The following NEBL variants were observed in gnomAD, a reference collection of about 807,000 sequenced individuals.
NEBL encodes LIM and SH3 protein 2.
NEBL carries 122 observed loss-of-function variants against 140.2 expected under a neutral mutation model. The ratio of observed to expected loss-of-function variants is 0.87; its 90% CI spans 0.75 to 1.01. NEBL has a LOEUF of 1.01. Among genes scored for constraint, NEBL ranks in the 50% least tolerant of loss-of-function variants. NEBL has a pLI of 0.00. For missense variants in NEBL, 1,365 were observed against 1,231.3 expected, an observed-to-expected ratio of 1.11 and a Z score of -1.62; for synonymous variants, 436 against 398.9, an observed-to-expected ratio of 1.09 and a Z score of -1.11.
intron 3 of NEBL, among the ~76,000 whole-genome samples, chr10:21,224,670 C>T (rs1379844559): frequency 6.6e-6 from 1 of 152,128 alleles, no homozygotes; most frequent in Non-Finnish European, 1.5e-5. Context: ...GTGTCCTTTT[C>T]AATTTCTTTC....
intron 2 of NEBL, among the ~76,000 whole-genome samples, chr10:21,166,637 C>A (rs1019570334): frequency 2.6e-5 from 4 of 152,176 alleles, no homozygotes; most frequent in Non-Finnish European, 5.9e-5. Context: ...TGTTACTTCT[C>A]ATACAGCCCT....
chr10:21,245,431 A>G (rs1158684975), intron 3 of NEBL, among the ~76,000 whole-genome samples: 1 of 152,240 alleles, frequency 6.6e-6, no homozygotes, highest in African/African-American at 2.4e-5. Flanking sequence ...TATCAAATTA[A>G]CTATTTAACT....
At position 20,831,329 on chromosome 10, in the gene NEBL, T is replaced by C. The variant is rs1307476453; in HGVS notation, c.1561-23A>G. On this transcript the variant is annotated intron_variant, in intron 15 of 27. Coordinates refer to ENST00000377122, the MANE Select transcript of NEBL (RefSeq NM_006393.3). ...TTTCTAAAAGAACAGAAAATAATCT[T>C]AGAGCTTTGCTTAAGCTTTAATAGC... The C allele has an allele frequency of 1.9e-6, 3 of 1,581,472 alleles. No individual in the cohort carries two copies. In the East Asian group the frequency reaches 6.7e-5, roughly 35 times the overall value.
chr10:21,209,660 TC>T (rs369524088), intron 3 of NEBL, among the ~76,000 whole-genome samples: 6 of 146,326 alleles, frequency 4.1e-5, no homozygotes, highest in Admixed American at 6.7e-5. Context: ...TTTTTTTTTT[TC>T]TTTTTTTTTT....
chr10:20,848,433 T>C (rs959639599), intron 11 of NEBL, among the ~76,000 whole-genome samples: 1 of 152,280 alleles, frequency 6.6e-6, no homozygotes, highest in Non-Finnish European at 1.5e-5. Context: ...TCCTCTTCAT[T>C]GGCTTAAGAA....
rs1162862431 is a variant in NEBL at position 21,263,549 on chromosome 10, T to TGC, written n.183-11723_183-11722dup. The stretch of plus-strand genomic sequence containing the variant: ...TTAGCATAGCATGCTTACTTGTGTG[T>TGC]GCTCTCCTATCTCCCCGGGGGTTAG... On this transcript the variant is annotated intron_variant and non_coding_transcript_variant, in intron 1 of 8. Coordinates refer to the NEBL transcript ENST00000675702. Among the ~76,000 whole-genome samples the TGC allele has an allele frequency of 8.5e-5, 13 of 152,320 alleles. No homozygotes were observed. The Middle Eastern group carries it at 0.01, about 120-fold the overall frequency.
At chr10:21,154,413 C>A (rs1005888771) in intron 2 of NEBL, among the ~76,000 whole-genome samples, 9 of 148,864 alleles carry the variant, frequency 6.0e-5, no homozygotes, top group African/African-American at 2.3e-4. Context: ...GAGCTGAAAT[C>A]GCGCCACTGC....
intron 1 of NEBL, among the ~76,000 whole-genome samples, chr10:21,268,671 G>A (rs552215275): frequency 2.6e-5 from 4 of 151,812 alleles, no homozygotes; most frequent in East Asian, 2.0e-4. Context: ...TTACAGACAC[G>A]TGCCACCATG....
intron 5 of NEBL, among the ~76,000 whole-genome samples, chr10:20,873,945 C>G (rs1845229790): frequency 6.6e-6 from 1 of 152,060 alleles, no homozygotes; most frequent in African/African-American, 2.4e-5. Context: ...TTCTATATGT[C>G]TGTCACTGGG....
chr10:21,011,933 G>C (rs1316215838), intron 3 of NEBL, among the ~76,000 whole-genome samples: 1 of 152,192 alleles, frequency 6.6e-6, no homozygotes. Flanking sequence ...CCACACTATG[G>C]GAGAGACTAA....
rs746903378 is a variant in NEBL, at chr10:21,137,836, G to A, written c.164+34547C>T. On this transcript the variant is annotated intron_variant, in intron 2 of 6. Coordinates refer to the NEBL transcript ENST00000417816. ...TATGTGCTTGTGATCTCAGCTTCTCGGGAGGCAGAGGTAGAAGTATCACTT... is the reference window on the plus strand; with the variant it reads ...TATGTGCTTGTGATCTCAGCTTCTCAGGAGGCAGAGGTAGAAGTATCACTT... Among the ~76,000 whole-genome samples the A allele has an allele frequency of 4.6e-5, 7 of 151,612 alleles. No individual in the cohort carries two copies. The South Asian group carries it at 6.3e-4, about 14-fold the overall frequency.
chr10:21,049,429 C>A (rs1324096732), intron 2 of NEBL, among the ~76,000 whole-genome samples: 1 of 152,116 alleles, frequency 6.6e-6, no homozygotes, highest in African/African-American at 2.4e-5. Flanking sequence ...TTATTCTAAC[C>A]AAGCTCATAA....
chr10:20,783,619 A>C lies in NEBL; in HGVS notation c.*2128T>G, dbSNP rs1835170356. 6.6e-6 allele frequency: 1 copy of C among 152,264 alleles called. No individual in the cohort carries two copies. Among genetic ancestry groups the C allele is most frequent in the East Asian group, 1.9e-4 (1 of 5,202 alleles). 9.4% of individuals were successfully genotyped at this position (152,264 alleles called of 1,614,324 possible). Reference sequence around the variant, plus strand: ...CCAAAATTGTACCTGTCCTATATTTAGTCTGAAAATTTAATCAACAACTAC... The same window carrying C: ...CCAAAATTGTACCTGTCCTATATTTCGTCTGAAAATTTAATCAACAACTAC... On this transcript the variant is annotated 3_prime_UTR_variant, in exon 28 of 28. Transcript: ENST00000377122.
intron 4 of NEBL, among the ~76,000 whole-genome samples, chr10:20,906,408 C>A (rs1293497192): frequency 6.6e-6 from 1 of 152,086 alleles, no homozygotes; most frequent in Non-Finnish European, 1.5e-5. Flanking sequence ...TTTTAAAACA[C>A]TAATTTATGA....
At chr10:21,137,838 G>A (rs1839424926) in intron 2 of NEBL, among the ~76,000 whole-genome samples, 1 of 151,766 alleles carries the variant, frequency 6.6e-6, no homozygotes, top group African/African-American at 2.4e-5. Flanking sequence ...AGCTTCTCGG[G>A]AGGCAGAGGT....
intron 2 of NEBL, among the ~76,000 whole-genome samples, chr10:21,052,439 TG>T (rs199498109): frequency 0.022 from 3,361 of 152,256 alleles, 55 homozygotes; most frequent in South Asian, 0.044. Flanking sequence ...CCGGAGAGCC[TG>T]GCAGCAAAAG....
chr10:21,032,269 T>A (rs1833831782), intron 2 of NEBL, among the ~76,000 whole-genome samples: 1 of 152,154 alleles, frequency 6.6e-6, no homozygotes, highest in Admixed American at 6.6e-5. Context: ...CATATTGGGG[T>A]CAATCTGGGC....
chr10:20,859,889 C>T (rs540010184), intron 7 of NEBL, 63 bp from the exon 8 acceptor site: 46 of 782,634 alleles, frequency 5.9e-5, no homozygotes, highest in African/African-American at 5.7e-4. Flanking sequence ...ATGATTTTCA[C>T]GTAGATAAAA....
rs565532356 is a variant in NEBL, at chr10:21,146,911, G to A, written c.164+25472C>T. 3.3e-5 allele frequency among the ~76,000 whole-genome samples: 5 copies of A among 152,184 alleles called. No individual in the cohort carries two copies. The South Asian group carries it at 8.3e-4, about 25-fold the overall frequency. On this transcript the variant is annotated intron_variant, in intron 2 of 6. Coordinates refer to the NEBL transcript ENST00000417816. ...TCGAAGCTCTGGGAGATAGGCCTTAGGGTTTTAGTCAATGCAGAATTCTGC... is the reference window on the plus strand; with the variant it reads ...TCGAAGCTCTGGGAGATAGGCCTTAAGGTTTTAGTCAATGCAGAATTCTGC...
Sources: allele counts gnomAD v4.1 joint callset (sites outside exome capture counted in the v4.1 genomes callset), GRCh38; gene constraint gnomAD v4.1.1; transcripts MANE v1.5; gene names NCBI Gene and HGNC (gene_info 2026-07-23, HGNC 2026-07-21).